PDE8A: variants seen among roughly 807,000 people sequenced by gnomAD.
PDE8A encodes the protein phosphodiesterase 8A.
In PDE8A, 59 loss-of-function variants were observed where a neutral mutation model predicts 105.0. The ratio of observed to expected loss-of-function variants is 0.56; its 90% confidence interval spans 0.46 to 0.70. The LOEUF is 0.70. Among genes scored for constraint, PDE8A ranks in the 30% least tolerant of loss-of-function variants. The pLI is 0.00. For missense variants in PDE8A, 1,014 were observed against 1,045.9 expected, an observed-to-expected ratio of 0.97 and a Z score of 0.42; for synonymous variants, 355 against 371.9, an observed-to-expected ratio of 0.95 and a Z score of 0.52.
chr15:85,036,881 C>G (rs781250914), intron 1 of PDE8A, among the ~76,000 whole-genome samples: 1 of 152,070 alleles, frequency 6.6e-6, no homozygotes, highest in Non-Finnish European at 1.5e-5. Context: ...ACTTCTCTGA[C>G]CCTTTCCTGT....
intron 1 of PDE8A, among the ~76,000 whole-genome samples, chr15:84,999,321 A>T (rs2080028830): frequency 6.6e-6 from 1 of 152,042 alleles, no homozygotes; most frequent in Non-Finnish European, 1.5e-5. Flanking sequence ...GGGTTTCACC[A>T]TGTTGGCCAG....
chr15:84,990,767 T>C (rs2079874065), intron 1 of PDE8A, among the ~76,000 whole-genome samples: 1 of 152,230 alleles, frequency 6.6e-6, no homozygotes, highest in Admixed American at 6.5e-5. Flanking sequence ...TGCTGGGTCA[T>C]AGGATAGGTA....
chr15:85,059,420 G>A (rs1313246248), intron 1 of PDE8A, among the ~76,000 whole-genome samples: 1 of 152,128 alleles, frequency 6.6e-6, no homozygotes, highest in African/African-American at 2.4e-5. Context: ...TTATTGAGAG[G>A]GGGGTGTTGA....
intron 3 of PDE8A, among the ~76,000 whole-genome samples, chr15:85,075,377 C>T (rs2081366571): frequency 6.6e-6 from 1 of 152,136 alleles, no homozygotes; most frequent in Admixed American, 6.5e-5. Context: ...GGTTATTTAG[C>T]CTCCATTTTA....
Position 85,099,999 on chromosome 15 carries a change from T to A in PDE8A, c.942-16T>A, listed in dbSNP as rs1207742777. The A allele has an allele frequency of 6.3e-7, 1 of 1,595,710 alleles. No homozygotes were observed. Among genetic ancestry groups the A allele is most frequent in the East Asian group, 2.2e-5 (1 of 44,756 alleles). ...GAGACTCAGAAGAGAAATAATGCAT[T>A]GTTTTTTACTTGCAGAAAAATTAGA... On this transcript the variant is annotated splice_polypyrimidine_tract_variant and intron_variant, in intron 9 of 21. Transcript: ENST00000394553.
At chr15:85,033,588 G>A (rs2080652397) in intron 1 of PDE8A, among the ~76,000 whole-genome samples, 1 of 152,210 alleles carries the variant, frequency 6.6e-6, no homozygotes, top group Admixed American at 6.5e-5. Flanking sequence ...GTCCAAGCCA[G>A]GCGTGGTGGC....
chr15:84,990,754 A>G (rs1158394701), intron 1 of PDE8A, among the ~76,000 whole-genome samples: 4 of 152,202 alleles, frequency 2.6e-5, no homozygotes, highest in Admixed American at 6.5e-5. Flanking sequence ...CAAGAGGTGA[A>G]ATTGCTGGGT....
chr15:85,041,913 A>AT (rs2080815257), intron 1 of PDE8A, among the ~76,000 whole-genome samples: 1 of 152,180 alleles, frequency 6.6e-6, no homozygotes, highest in Non-Finnish European at 1.5e-5. Flanking sequence ...CCTTTACTAT[A>AT]TACTTACCTC....
chr15:85,019,710 G>T (rs1340877929), intron 1 of PDE8A, among the ~76,000 whole-genome samples: 1 of 152,002 alleles, frequency 6.6e-6, no homozygotes, highest in Non-Finnish European at 1.5e-5. Flanking sequence ...CTCCCAAGTA[G>T]CTGGGACTAC....
At chr15:85,021,220 CAGAACTGTG>C (rs1405619363) in intron 1 of PDE8A, among the ~76,000 whole-genome samples, 1 of 152,160 alleles carries the variant, frequency 6.6e-6, no homozygotes, top group Non-Finnish European at 1.5e-5. Context: ...TCCCACCCTC[CAGAACTGTG>C]AGAAATAAAT....
rs760454139 is a variant in PDE8A, at chr15:85,096,522, A to G, written c.853-1426A>G. ...TATTCACAGTTTTGCAAATGTCACA[A>G]TTAATTTCCCATATTCCCCTTGATA... On this transcript the variant is annotated intron_variant, in intron 8 of 21. Transcript: ENST00000394553. Among the ~76,000 whole-genome samples the G allele has an allele frequency of 2.4e-4, 37 of 152,214 alleles. 1 individual carries two copies. The highest frequency in any genetic ancestry group is 1.2e-4 in the African/African-American group (5 of 41,456).
At chr15:85,023,451 G>A (rs994173947) in intron 1 of PDE8A, among the ~76,000 whole-genome samples, 12 of 152,326 alleles carry the variant, frequency 7.9e-5, no homozygotes, top group Middle Eastern at 3.4e-3. Flanking sequence ...TAGGAGAACA[G>A]AGAGTGGGAC....
intron 1 of PDE8A, among the ~76,000 whole-genome samples, chr15:84,994,364 A>T (rs1320286441): frequency 6.6e-6 from 1 of 152,252 alleles, no homozygotes; most frequent in African/African-American, 2.4e-5. Flanking sequence ...GCCAAGGTGT[A>T]CAAAATCCCT....
chr15:85,021,559 T>TAA (rs75255453), intron 1 of PDE8A, among the ~76,000 whole-genome samples: 94 of 146,810 alleles, frequency 6.4e-4, no homozygotes, highest in African/African-American at 2.3e-3. Flanking sequence ...CCCTGGCTCT[T>TAA]AAAAAAAAAA....
intron 1 of PDE8A, among the ~76,000 whole-genome samples, chr15:84,990,200 C>A (rs942900365): frequency 6.6e-6 from 1 of 151,976 alleles, no homozygotes; most frequent in Non-Finnish European, 1.5e-5. Context: ...AAAATTAATT[C>A]AAAATTAAAT....
At chr15:85,069,830 C>G (rs988390614) in intron 3 of PDE8A, among the ~76,000 whole-genome samples, 1 of 152,182 alleles carries the variant, frequency 6.6e-6, no homozygotes, top group East Asian at 1.9e-4. Context: ...TTTTCTACCA[C>G]GTCATCTCCA....
At chr15:85,043,960 G>A (rs2080850869) in intron 1 of PDE8A, among the ~76,000 whole-genome samples, 1 of 152,218 alleles carries the variant, frequency 6.6e-6, no homozygotes. Context: ...GCCTCCCAAA[G>A]TGCTGGGATT....
chr15:85,100,240 T>C, intron 11 of PDE8A, 42 bp downstream of exon 11: 2 of 1,553,070 alleles, frequency 1.3e-6, no homozygotes, highest in South Asian at 1.1e-5. Context: ...ATTGAGTTTT[T>C]GGAGAAAAAA....
intron 1 of PDE8A, among the ~76,000 whole-genome samples, chr15:85,016,031 G>T (rs1179382003): frequency 7.2e-5 from 11 of 152,120 alleles, no homozygotes; most frequent in Admixed American, 7.2e-4. Flanking sequence ...AGCTACTTGG[G>T]AGGCTGAGGC....
Sources: gnomAD v4.1 joint callset for allele counts (sites outside exome capture counted in the v4.1 genomes callset) on GRCh38, gnomAD v4.1.1 for gene constraint, MANE v1.5 for transcripts, NCBI Gene and HGNC (gene_info 2026-07-23, HGNC 2026-07-21) for gene names.